RUNX2: variants seen among roughly 807,000 people sequenced by gnomAD.
The protein encoded by RUNX2 is runt-related transcription factor 2.
Under a neutral mutation model 51.7 loss-of-function variants are expected in RUNX2, and 10 were observed. The ratio of observed to expected loss-of-function variants is 0.19; its 90% confidence interval spans 0.12 to 0.33. RUNX2 has a LOEUF of 0.33. Ranked by LOEUF, RUNX2 falls within the 10% of genes least tolerant of loss-of-function variation. RUNX2 has a pLI of 1.00. For synonymous variants in RUNX2, 276 were observed against 273.6 expected (o/e 1.01, Z -0.09); for missense variants, 562 against 691.3 (o/e 0.81, Z 2.10).
At chr6:45,538,380 T>C (rs1363823940) in intron 7 of RUNX2, among the ~76,000 whole-genome samples, 1 of 152,172 alleles carries the variant, frequency 6.6e-6, no homozygotes, top group African/African-American at 2.4e-5. Flanking sequence ...TTTGCACATG[T>C]GTACAACCTT....
chr6:45,382,667 G>A (rs139167523), intron 2 of RUNX2, among the ~76,000 whole-genome samples: 1 of 152,328 alleles, frequency 6.6e-6, no homozygotes, highest in African/African-American at 2.4e-5. Context: ...TGAGGTCAGA[G>A]AAGCACTAGG....
chr6:45,545,385 TAAAG>T, intron 8 of RUNX2, 103 bp downstream of exon 8: 3 of 1,274,414 alleles, frequency 2.4e-6, no homozygotes, highest in South Asian at 3.1e-5. Context: ...ATGTTGCTTT[TAAAG>T]AGTCACTTTT....
chr6:45,419,720 C>T (rs1354225870), intron 2 of RUNX2, among the ~76,000 whole-genome samples: 2 of 152,220 alleles, frequency 1.3e-5, no homozygotes, highest in African/African-American at 4.8e-5. Flanking sequence ...ATCGCACGCG[C>T]AGGAGCCAGC....
rs555104081 is a variant in RUNX2, at chr6:45,353,910, T to C, written c.58+25126T>C. On this transcript the variant is annotated intron_variant, in intron 2 of 8. Coordinates refer to ENST00000647337, the MANE Select transcript of RUNX2 (RefSeq NM_001024630.4). Reference sequence around the variant, plus strand: ...CCTTTAGTATATCAAAGGTCCTTAATAGGAAAAAAAAATACAGTAGAATTA... The same window carrying C: ...CCTTTAGTATATCAAAGGTCCTTAACAGGAAAAAAAAATACAGTAGAATTA... 7.5e-5 allele frequency among the ~76,000 whole-genome samples: 11 copies of C among 147,222 alleles called. No individual in the cohort carries two copies. In the South Asian group the frequency reaches 1.3e-3, roughly 17 times the overall value.
rs1798738241 is a variant in RUNX2, at chr6:45,438,061, C to T, written c.685+10C>T. The T allele has an allele frequency of 6.6e-7, 1 of 1,509,864 alleles. No homozygotes were observed. Among genetic ancestry groups the T allele is most frequent in the Non-Finnish European group, 9.2e-7 (1 of 1,085,634 alleles). 93.5% of individuals were successfully genotyped at this position (1,509,864 alleles called of 1,614,324 possible). A position where few individuals can be genotyped will look rare whatever the true frequency, so the allele number is the denominator to read the frequency against. ...CCTCGGGAACCCAGAAGTAAGTACTCCCCTTTTTATTGAAGAAAGTAATAG... is the reference window on the plus strand; with the variant it reads ...CCTCGGGAACCCAGAAGTAAGTACTTCCCTTTTTATTGAAGAAAGTAATAG... On this transcript the variant is annotated intron_variant, in intron 5 of 8. Coordinates refer to ENST00000647337, the MANE Select transcript of RUNX2 (RefSeq NM_001024630.4).
chr6:45,373,785 T>C (rs1428991004), intron 2 of RUNX2, among the ~76,000 whole-genome samples: 2 of 152,054 alleles, frequency 1.3e-5, no homozygotes, highest in Non-Finnish European at 2.9e-5. Context: ...ACTCCTGACA[T>C]CAAGTGATCC....
At chr6:45,391,722 A>C (rs955778201) in intron 2 of RUNX2, among the ~76,000 whole-genome samples, 1 of 152,192 alleles carries the variant, frequency 6.6e-6, no homozygotes, top group Non-Finnish European at 1.5e-5. Context: ...GAGAAGTGCC[A>C]AGCAAAGGGG....
chr6:45,421,055 C>T (rs1339358260), intron 2 of RUNX2: 1 of 151,670 alleles, frequency 6.6e-6, no homozygotes, highest in Non-Finnish European at 1.5e-5. Context: ...GAAATAAATA[C>T]ATAAATAAAC....
chr6:45,412,565 T>C (rs955253759), intron 2 of RUNX2, among the ~76,000 whole-genome samples: 4 of 152,036 alleles, frequency 2.6e-5, no homozygotes, highest in Admixed American at 2.6e-4. Flanking sequence ...GAAACAGAAA[T>C]AAATATATTC....
chr6:45,494,669 T>A (rs747456054), intron 6 of RUNX2, among the ~76,000 whole-genome samples: 5 of 152,190 alleles, frequency 3.3e-5, no homozygotes, highest in Non-Finnish European at 7.3e-5. Context: ...CCTGTATCTG[T>A]CCATAACCAA....
chr6:45,392,695 A>G (rs1447705331), intron 2 of RUNX2, among the ~76,000 whole-genome samples: 1 of 130,208 alleles, frequency 7.7e-6, no homozygotes, highest in Non-Finnish European at 1.7e-5. Flanking sequence ...TACCTAGAAA[A>G]TGCCTAGATC....
chr6:45,467,933 T>C (rs866402325), intron 5 of RUNX2, among the ~76,000 whole-genome samples: 32 of 152,360 alleles, frequency 2.1e-4, no homozygotes, highest in Middle Eastern at 3.4e-3. Flanking sequence ...GCTACCAGCC[T>C]CTTTCTCCTT....
chr6:45,343,833 C>T (rs1004310417), intron 2 of RUNX2, among the ~76,000 whole-genome samples: 2 of 152,270 alleles, frequency 1.3e-5, no homozygotes, highest in African/African-American at 2.4e-5. Context: ...GCTCCAACTA[C>T]TCACCTTCTA....
chr6:45,333,599 A>T (rs955277247), intron 2 of RUNX2, among the ~76,000 whole-genome samples: 3 of 151,448 alleles, frequency 2.0e-5, no homozygotes, highest in Non-Finnish European at 4.4e-5. Flanking sequence ...AGTTTTTCAT[A>T]AACACTAATA....
intron 7 of RUNX2, among the ~76,000 whole-genome samples, chr6:45,516,257 T>G (rs887693746): frequency 6.6e-6 from 1 of 152,190 alleles, no homozygotes; most frequent in African/African-American, 2.4e-5. Context: ...AGTTCAGAGG[T>G]ACAATACAAT....
chr6:45,543,656 CAGTT>C (rs1276003992), intron 7 of RUNX2, among the ~76,000 whole-genome samples: 2 of 152,042 alleles, frequency 1.3e-5, no homozygotes, highest in African/African-American at 4.8e-5. Context: ...ATGTAACATC[CAGTT>C]AGTTCTATGT....
intron 2 of RUNX2, among the ~76,000 whole-genome samples, chr6:45,350,970 C>T (rs1485827904): frequency 6.6e-6 from 1 of 152,084 alleles, no homozygotes; most frequent in Non-Finnish European, 1.5e-5. Flanking sequence ...TTAGATTCTC[C>T]GACCCTATAG....
intron 5 of RUNX2, among the ~76,000 whole-genome samples, chr6:45,445,584 C>A (rs1373292577): frequency 6.6e-6 from 1 of 152,170 alleles, no homozygotes; most frequent in Non-Finnish European, 1.5e-5. Context: ...AACTTCCTGA[C>A]TTTCAGACTT....
Position 45,431,924 on chromosome 6 carries a change from A to T in RUNX2, c.485A>T (p.Glu162Val). 6.2e-7 allele frequency: 1 copy of T among 1,614,168 alleles called. No homozygotes were observed. Among genetic ancestry groups the T allele is most frequent in the Non-Finnish European group, 8.5e-7 (1 of 1,180,000 alleles). Residue 162 changes from glutamate to valine, a missense_variant, in exon 4 of 9, where the codon GAA becomes GTA. By Grantham distance (121) the Glu-to-Val change is moderately radical. This residue lies in a region of RUNX2 where 67 missense variants were observed against 106.5 expected (regional missense o/e 0.63). Coordinates refer to ENST00000647337, the MANE Select transcript of RUNX2 (RefSeq NM_001024630.4). ...TVVTVMAGNDENYSAELRNAS... is the reference protein window; with the variant it reads ...TVVTVMAGNDVNYSAELRNAS... Reference sequence around the variant, plus strand: ...GTTACTGTCATGGCGGGTAACGATGAAAATTATTCTGCTGAGCTCCGGAAT... The same window carrying T: ...GTTACTGTCATGGCGGGTAACGATGTAAATTATTCTGCTGAGCTCCGGAAT...
Sources: gnomAD v4.1 joint callset for allele counts (sites outside exome capture counted in the v4.1 genomes callset) on GRCh38, gnomAD v4.1.1 for gene constraint, gnomAD v4.1.1 regional missense constraint, MANE v1.5 for transcripts, NCBI Gene and HGNC (gene_info 2026-07-23, HGNC 2026-07-21) for gene names.